Variants in OPN5 observed in about 807,000 individuals in gnomAD.
OPN5 encodes opsin-5.
OPN5 carries 18 observed loss-of-function variants against 41.7 expected under a neutral mutation model. The ratio of observed to expected loss-of-function variants is 0.43; its 90% CI spans 0.30 to 0.64. OPN5 has a LOEUF of 0.64. Ranked by LOEUF, OPN5 falls within the 30% of genes least tolerant of loss-of-function variation. The pLI, the probability that OPN5 is intolerant of heterozygous loss-of-function variation, is 0.13. For synonymous variants in OPN5, 178 were observed against 164.3 expected (o/e 1.08, Z -0.64); for missense variants, 318 against 434.5 (o/e 0.73, Z 2.38).
At chr6:47,809,527 C>G (rs530625730) in intron 5 of OPN5, among the ~76,000 whole-genome samples, 1 of 152,274 alleles carries the variant, frequency 6.6e-6, no homozygotes, top group Admixed American at 6.5e-5. Context: ...AGATAGAAGA[C>G]CAGTATTTAA....
Position 47,794,322 on chromosome 6 carries a change from C to T in OPN5, c.422-907C>T, listed in dbSNP as rs184690061. Among the ~76,000 whole-genome samples the T allele has an allele frequency of 3.9e-5, 6 of 152,302 alleles. No individual in the cohort carries two copies. The East Asian group carries it at 9.6e-4, about 24-fold the overall frequency. ...CTTCTCTGCTAACACAAAACCAAGG[C>T]AGTAAAGAGTCACTTTCCTGGCCCT... On this transcript the variant is annotated intron_variant, in intron 3 of 6. Coordinates refer to ENST00000371211, the Ensembl canonical transcript of OPN5.
chr6:47,812,458 G>T (rs1762278775), intron 6 of OPN5, among the ~76,000 whole-genome samples: 1 of 152,076 alleles, frequency 6.6e-6, no homozygotes, highest in Non-Finnish European at 1.5e-5. Flanking sequence ...CGTAAGTGTT[G>T]TTTCTTCTAT....
intron 3 of OPN5, chr6:47,793,910 G>A (rs1773460456): frequency 2.9e-6 from 1 of 340,534 alleles, no homozygotes; most frequent in Non-Finnish European, 4.2e-6. Context: ...GACTTATATT[G>A]TGGCTACATG....
intron 6 of OPN5, among the ~76,000 whole-genome samples, chr6:47,817,851 T>C (rs751773043): frequency 6.0e-4 from 91 of 152,088 alleles, no homozygotes; most frequent in Non-Finnish European, 1.2e-3. Context: ...CTAAGGTATG[T>C]TTCACCCTCA....
chr6:47,786,181 A>C (rs1228036188), intron 1 of OPN5, among the ~76,000 whole-genome samples: 1 of 152,168 alleles, frequency 6.6e-6, no homozygotes, highest in Non-Finnish European at 1.5e-5. Context: ...AAAGCCAATA[A>C]TCTATAAAAA....
intron 6 of OPN5, among the ~76,000 whole-genome samples, chr6:47,817,261 C>T (rs1015340923): frequency 5.5e-4 from 84 of 151,884 alleles, no homozygotes; most frequent in African/African-American, 1.9e-3. Flanking sequence ...ATTCAGCCTT[C>T]CACTAGAGAG....
At chr6:47,792,935 T>C (rs1773427731) in intron 3 of OPN5, among the ~76,000 whole-genome samples, 1 of 146,592 alleles carries the variant, frequency 6.8e-6, no homozygotes, top group Non-Finnish European at 1.5e-5. Context: ...CTTGGGTGGG[T>C]GGGAGGCGGG....
At chr6:47,818,377 C>A (rs1458769880) in intron 6 of OPN5, among the ~76,000 whole-genome samples, 1 of 152,116 alleles carries the variant, frequency 6.6e-6, no homozygotes, top group Admixed American at 6.6e-5. Context: ...GATTGGAAGT[C>A]AAGAAGAATA....
chr6:47,806,274 A>G (rs1027580041), intron 4 of OPN5, among the ~76,000 whole-genome samples: 2 of 152,160 alleles, frequency 1.3e-5, no homozygotes. Flanking sequence ...CCTAGTAGAT[A>G]ACATTGTGTA....
At chr6:47,805,424 T>TTGTGTG (rs3031322) in intron 4 of OPN5, among the ~76,000 whole-genome samples, 3 of 150,372 alleles carry the variant, frequency 2.0e-5, no homozygotes, top group Non-Finnish European at 4.4e-5. Context: ...ATATTATTAA[T>TTGTGTG]TGTGTGTGTG....
intron 6 of OPN5, among the ~76,000 whole-genome samples, chr6:47,820,054 T>C (rs1561907696): frequency 6.6e-6 from 1 of 152,174 alleles, no homozygotes; most frequent in South Asian, 2.1e-4. Context: ...TCAATGCCTG[T>C]TTTTGTAAAT....
At chr6:47,797,956 A>G (rs1227622748) in intron 4 of OPN5, among the ~76,000 whole-genome samples, 2 of 152,152 alleles carry the variant, frequency 1.3e-5, no homozygotes, top group African/African-American at 2.4e-5. Context: ...CATTATACAT[A>G]TGAGGTACAG....
downstream of OPN5, chr6:47,824,845 C>T (rs1166162477): frequency 2.7e-5 from 4 of 150,592 alleles, no homozygotes; most frequent in East Asian, 1.9e-4. Context: ...TTGTCAAATG[C>T]GATTGAAATT....
At chr6:47,825,279 C>A (rs1464428798), downstream of OPN5, 1 of 152,016 alleles carries the variant, frequency 6.6e-6, no homozygotes, top group Non-Finnish European at 1.5e-5. Context: ...TATGCAAGTA[C>A]CTTTAATTGG....
chr6:47,793,361 G>C (rs1581733037), intron 3 of OPN5, among the ~76,000 whole-genome samples: 1 of 152,232 alleles, frequency 6.6e-6, no homozygotes, highest in East Asian at 1.9e-4. Flanking sequence ...ATATTTTCCA[G>C]CTTCTTCTAA....
At chr6:47,825,882 T>G (rs1200529994), downstream of OPN5, 1 of 152,142 alleles carries the variant, frequency 6.6e-6, no homozygotes, top group Non-Finnish European at 1.5e-5. Flanking sequence ...CTCCGAAGTA[T>G]GAGAAGAGCT....
intron 4 of OPN5, among the ~76,000 whole-genome samples, chr6:47,802,207 T>C (rs1410830): frequency 0.037 from 5,614 of 152,236 alleles, 667 homozygotes; most frequent in East Asian, 0.3. Flanking sequence ...ACTAATGATA[T>C]GGCATCTAGG....
intron 4 of OPN5, 85 bp from the exon 5 acceptor site, chr6:47,808,069 C>T: frequency 1.5e-6 from 2 of 1,330,692 alleles, no homozygotes; most frequent in Non-Finnish European, 2.1e-6. Context: ...GAGAGGTGAC[C>T]TGATCCTTCT....
rs138086220 is a variant in OPN5, at chr6:47,809,292, A to G, written c.998+897A>G. Among the ~76,000 whole-genome samples, 38 of 152,270 alleles carry G rather than the reference A, an allele frequency of 2.5e-4. No individual in the cohort carries two copies. In the East Asian group the frequency reaches 7.3e-3, roughly 29 times the overall value. ...TACTTGATTTTCTAGATATTTCTTAATACTTCTTCCCTTGAATAAGTAAGG... is the reference window on the plus strand; with the variant it reads ...TACTTGATTTTCTAGATATTTCTTAGTACTTCTTCCCTTGAATAAGTAAGG... On this transcript the variant is annotated intron_variant, in intron 5 of 6. Transcript: ENST00000371211.
Sources: allele counts gnomAD v4.1 joint callset (sites outside exome capture counted in the v4.1 genomes callset), GRCh38; gene constraint gnomAD v4.1.1; transcripts MANE v1.5; gene names NCBI Gene and HGNC (gene_info 2026-07-23, HGNC 2026-07-21).